The following ADAMTSL1 variants were observed in gnomAD, a reference collection of about 807,000 sequenced individuals.
ADAMTSL1 encodes ADAMTS-like protein 1.
ADAMTSL1 carries 126 observed loss-of-function variants against 201.8 expected under a neutral mutation model. The observed-to-expected ratio is 0.62, with a 90% CI of 0.54 to 0.72. The LOEUF (loss-of-function observed/expected upper bound fraction) is 0.72. Ranked by LOEUF, ADAMTSL1 falls within the 30% of genes least tolerant of loss-of-function variation. The probability of loss-of-function intolerance (pLI) is 0.00; values close to 1 mark genes in which losing one functional copy is unlikely to be tolerated. For synonymous variants in ADAMTSL1, 1,121 were observed against 903.4 expected (o/e 1.24, Z -4.32); for missense variants, 2,679 against 2,277.8 (o/e 1.18, Z -3.59).
intron 2 of ADAMTSL1, among the ~76,000 whole-genome samples, chr9:18,235,338 C>G (rs1191119881): frequency 6.6e-6 from 1 of 152,084 alleles, no homozygotes; most frequent in Non-Finnish European, 1.5e-5. Flanking sequence ...AGCGAAGTGC[C>G]CTTCTAATCA....
At chr9:18,027,188 A>G (rs911978956) in intron 1 of ADAMTSL1, among the ~76,000 whole-genome samples, 2 of 150,764 alleles carry the variant, frequency 1.3e-5, no homozygotes, top group African/African-American at 2.4e-5. Flanking sequence ...GGTCCTTTGT[A>G]TAGATTTTTG....
chr9:18,731,653 C>A (rs1194337741), intron 15 of ADAMTSL1, among the ~76,000 whole-genome samples: 1 of 152,048 alleles, frequency 6.6e-6, no homozygotes, highest in African/African-American at 2.4e-5. Flanking sequence ...TTAATTAGCT[C>A]ACAGTTCTGC....
intron 20 of ADAMTSL1, among the ~76,000 whole-genome samples, chr9:18,815,544 C>CAA (rs113450518): frequency 7.1e-6 from 1 of 140,034 alleles, no homozygotes; most frequent in South Asian, 2.3e-4. Context: ...ACAAAAAATA[C>CAA]AAAAAAAAAA....
intron 1 of ADAMTSL1, among the ~76,000 whole-genome samples, chr9:18,022,905 G>C (rs576047943): frequency 6.6e-6 from 1 of 152,140 alleles, no homozygotes; most frequent in South Asian, 2.1e-4. Context: ...GGTAAGAAGT[G>C]ATCAAGATCA....
chr9:18,336,857 G>A (rs1037411869), intron 2 of ADAMTSL1, among the ~76,000 whole-genome samples: 1 of 152,040 alleles, frequency 6.6e-6, no homozygotes, highest in African/African-American at 2.4e-5. Flanking sequence ...GGACCATGTG[G>A]GAGCAAAGAA....
intron 1 of ADAMTSL1, among the ~76,000 whole-genome samples, chr9:18,490,080 C>G (rs959083432): frequency 2.6e-5 from 4 of 152,290 alleles, no homozygotes; most frequent in Admixed American, 2.0e-4. Flanking sequence ...CAGCTGGGAT[C>G]CAAGGCCCTG....
chr9:18,106,609 A>C (rs1564003952), intron 1 of ADAMTSL1, among the ~76,000 whole-genome samples: 1 of 152,238 alleles, frequency 6.6e-6, no homozygotes, highest in Non-Finnish European at 1.5e-5. Flanking sequence ...ACAATTACCT[A>C]TGATCAAAAT....
At chr9:18,030,539 C>T (rs1262065314) in intron 1 of ADAMTSL1, among the ~76,000 whole-genome samples, 1 of 151,898 alleles carries the variant, frequency 6.6e-6, no homozygotes, top group Non-Finnish European at 1.5e-5. Flanking sequence ...TACCCTAAAA[C>T]TTAAAGTATA....
chr9:17,949,610 A>C (rs908947495), intron 1 of ADAMTSL1, among the ~76,000 whole-genome samples: 1 of 152,178 alleles, frequency 6.6e-6, no homozygotes, highest in African/African-American at 2.4e-5. Flanking sequence ...CCTAGTTCTC[A>C]GTGCTATGAA....
chr9:18,611,515 GT>G (rs1825363929), intron 4 of ADAMTSL1, among the ~76,000 whole-genome samples: 1 of 152,126 alleles, frequency 6.6e-6, no homozygotes, highest in Non-Finnish European at 1.5e-5. Flanking sequence ...ATCCAGATGT[GT>G]TTAGCAAAAA....
At chr9:18,340,368 AT>A (rs1444126506) in intron 2 of ADAMTSL1, among the ~76,000 whole-genome samples, 1 of 152,186 alleles carries the variant, frequency 6.6e-6, no homozygotes, top group Non-Finnish European at 1.5e-5. Flanking sequence ...TGTAACCCAG[AT>A]ATGTATCTTG....
At chr9:18,169,480 T>A (rs1208812347) in intron 2 of ADAMTSL1, among the ~76,000 whole-genome samples, 5 of 152,142 alleles carry the variant, frequency 3.3e-5, no homozygotes. Context: ...GTTCCATTGA[T>A]CTATATCTCT....
intron 23 of ADAMTSL1, among the ~76,000 whole-genome samples, chr9:18,870,349 C>A (rs766961549): frequency 2.6e-5 from 4 of 152,090 alleles, no homozygotes; most frequent in Admixed American, 6.6e-5. Context: ...ATGTTATGTT[C>A]CTCTGAAGAA....
Position 18,889,757 on chromosome 9 carries a change from A to G in ADAMTSL1, c.4643+9A>G, listed in dbSNP as rs369259245. 5.8e-5 allele frequency: 85 copies of G among 1,477,914 alleles called. 1 individual carries two copies. The South Asian group carries it at 9.6e-4, about 17-fold the overall frequency. The allele number at this position is 1,477,914 out of a possible 1,614,324, so 91.6% of individuals were successfully genotyped here. A position where few individuals can be genotyped will look rare whatever the true frequency, so the allele number is the denominator to read the frequency against. ...AGAGACTGCCCTTCTCGGTGAGTGCAGCGGACACTGGCTCAGACCTCCCCA... is the reference window on the plus strand; with the variant it reads ...AGAGACTGCCCTTCTCGGTGAGTGCGGCGGACACTGGCTCAGACCTCCCCA... On this transcript the variant is annotated intron_variant, in intron 25 of 28. Transcript: ENST00000380548.
intron 1 of ADAMTSL1, among the ~76,000 whole-genome samples, chr9:18,137,003 G>A (rs150282344): frequency 6.6e-6 from 1 of 152,142 alleles, no homozygotes; most frequent in Admixed American, 6.6e-5. Flanking sequence ...GAGTATCATG[G>A]GAAGGGAAGG....
At chr9:18,212,292 G>A (rs1376958758) in intron 2 of ADAMTSL1, among the ~76,000 whole-genome samples, 2 of 152,076 alleles carry the variant, frequency 1.3e-5, no homozygotes, top group African/African-American at 4.8e-5. Flanking sequence ...ACGTGTTTAT[G>A]AACTTTATGA....
intron 1 of ADAMTSL1, among the ~76,000 whole-genome samples, chr9:18,138,177 G>A (rs886599463): frequency 6.6e-6 from 1 of 152,150 alleles, no homozygotes; most frequent in Non-Finnish European, 1.5e-5. Context: ...GGAGTATGGC[G>A]AAAAGTAAGT....
intron 1 of ADAMTSL1, among the ~76,000 whole-genome samples, chr9:18,071,282 G>T (rs1822951732): frequency 6.6e-6 from 1 of 152,164 alleles, no homozygotes; most frequent in African/African-American, 2.4e-5. Context: ...TAAAGGTTTG[G>T]TCACTTCAGA....
chr9:18,207,824 G>A (rs79145156), intron 2 of ADAMTSL1, among the ~76,000 whole-genome samples: 1,855 of 152,138 alleles, frequency 0.012, 52 homozygotes, highest in African/African-American at 0.043. Flanking sequence ...AAGCAAGATA[G>A]GATAAATAAT....
Sources: gnomAD v4.1 joint callset for allele counts (sites outside exome capture counted in the v4.1 genomes callset) on GRCh38, gnomAD v4.1.1 for gene constraint, MANE v1.5 for transcripts, NCBI Gene and HGNC (gene_info 2026-07-23, HGNC 2026-07-21) for gene names.